The following TMC1 variants were observed in gnomAD, a reference collection of about 807,000 sequenced individuals.
The protein encoded by TMC1 is transmembrane channel like 1, also known as transmembrane channel-like protein 1.
In TMC1, 84 loss-of-function variants were observed where a neutral mutation model predicts 105.8. The observed-to-expected ratio is 0.79, with a 90% confidence interval of 0.67 to 0.95. The LOEUF (loss-of-function observed/expected upper bound fraction) is 0.95. TMC1 is among the 40% of genes least tolerant of loss of function. TMC1 has a pLI of 0.00. For missense variants in TMC1, 817 were observed against 914.1 expected (o/e 0.89, Z 1.37); for synonymous variants, 315 against 311.5 (o/e 1.01, Z -0.12).
chr9:72,726,384 C>T (rs946700362), intron 8 of TMC1, among the ~76,000 whole-genome samples: 2 of 152,140 alleles, frequency 1.3e-5, no homozygotes, highest in East Asian at 1.9e-4. Context: ...TTTATGCATA[C>T]ACTCTTATTG....
At chr9:72,665,979 C>T (rs1826036450) in intron 5 of TMC1, among the ~76,000 whole-genome samples, 1 of 152,176 alleles carries the variant, frequency 6.6e-6, no homozygotes, top group Non-Finnish European at 1.5e-5. Context: ...CCTCCATGGC[C>T]TTTGGTTGCA....
At chr9:72,565,048 G>A (rs1376956894) in intron 1 of TMC1, among the ~76,000 whole-genome samples, 1 of 152,186 alleles carries the variant, frequency 6.6e-6, no homozygotes, top group East Asian at 1.9e-4. Context: ...CTGTACTGAT[G>A]AGGAAACTAA....
At chr9:72,677,036 G>A (rs568858965) in intron 5 of TMC1, among the ~76,000 whole-genome samples, 1 of 151,754 alleles carries the variant, frequency 6.6e-6, no homozygotes, top group Non-Finnish European at 1.5e-5. Flanking sequence ...ATTATATCAG[G>A]TGTCTTCTTA....
At chr9:72,536,710 G>A (rs1050503695) in intron 1 of TMC1, among the ~76,000 whole-genome samples, 1 of 152,174 alleles carries the variant, frequency 6.6e-6, no homozygotes, top group African/African-American at 2.4e-5. Flanking sequence ...TGTGAGGGGT[G>A]GGTCCTAAGG....
Position 72,836,609 on chromosome 9 carries a change from C to T in TMC1, c.*636C>T, listed in dbSNP as rs1588109405. ...AAAAAAATCCTATATGAATTGGGGC[C>T]TGGATAGCACTGAGTTGAAGATCTT... On this transcript the variant is annotated 3_prime_UTR_variant, in exon 24 of 24. Transcript: ENST00000297784. 6.6e-6 allele frequency: 1 copy of T among 152,442 alleles called. No individual in the cohort carries two copies. The highest frequency in any genetic ancestry group is 1.5e-5 in the Non-Finnish European group (1 of 68,542). The allele number at this position is 152,442 out of a possible 1,614,324, so 9.4% of individuals were successfully genotyped here. A position where few individuals can be genotyped will look rare whatever the true frequency, so the allele number is the denominator to read the frequency against.
intron 1 of TMC1, among the ~76,000 whole-genome samples, chr9:72,536,396 G>A (rs548348693): frequency 1.3e-5 from 2 of 152,076 alleles, no homozygotes; most frequent in Non-Finnish European, 2.9e-5. Flanking sequence ...GCAGTGGTGC[G>A]ATCTCGGCTC....
intron 4 of TMC1, among the ~76,000 whole-genome samples, chr9:72,646,250 T>G (rs1347913295): frequency 6.6e-6 from 1 of 152,218 alleles, no homozygotes; most frequent in Non-Finnish European, 1.5e-5. Context: ...ATTTGCCACC[T>G]CATACACAGG....
intron 18 of TMC1, among the ~76,000 whole-genome samples, chr9:72,811,289 C>A (rs2118263446): frequency 6.6e-6 from 1 of 152,256 alleles, no homozygotes; most frequent in East Asian, 1.9e-4. Flanking sequence ...GTTATCACAA[C>A]AAACCTATGA....
At chr9:72,751,244 T>A (rs1432337926) in intron 10 of TMC1, among the ~76,000 whole-genome samples, 1 of 152,218 alleles carries the variant, frequency 6.6e-6, no homozygotes, top group Non-Finnish European at 1.5e-5. Flanking sequence ...GTGCTTCACA[T>A]CTAAGATAAT....
chr9:72,818,321 TA>T (rs1828820282), intron 19 of TMC1, among the ~76,000 whole-genome samples: 1 of 152,256 alleles, frequency 6.6e-6, no homozygotes, highest in Non-Finnish European at 1.5e-5. Flanking sequence ...TCAACATTTA[TA>T]GATAAAATCC....
At chr9:72,588,070 T>G (rs1824581971) in intron 2 of TMC1, among the ~76,000 whole-genome samples, 1 of 152,120 alleles carries the variant, frequency 6.6e-6, no homozygotes, top group Non-Finnish European at 1.5e-5. Context: ...ATTACAGGTG[T>G]GAGCCATTGT....
chr9:72,609,179 C>CCCTTCCTTCCTTCCTTCCTTCCTTCCTT (rs60808924), intron 2 of TMC1, among the ~76,000 whole-genome samples: 20 of 136,160 alleles, frequency 1.5e-4, no homozygotes, highest in South Asian at 2.7e-4. Context: ...CTTCCTCCTT[C>CCCTTCCTTCCTTCCTTCCTTCCTTCCTT]CCTTCCTTCC....
chr9:72,830,827 T>A, intron 23 of TMC1, 145 bp downstream of exon 23: 1 of 724,308 alleles, frequency 1.4e-6, no homozygotes, highest in Non-Finnish European at 2.3e-6. Context: ...ACCTTCCACC[T>A]TTTTAGCCCT....
intron 1 of TMC1, among the ~76,000 whole-genome samples, chr9:72,535,996 G>T (rs1469891952): frequency 1.3e-5 from 2 of 152,168 alleles, no homozygotes; most frequent in African/African-American, 2.4e-5. Context: ...TTCAACATGA[G>T]GTTTGAAGGG....
At chr9:72,646,477 C>T (rs972971172) in intron 4 of TMC1, among the ~76,000 whole-genome samples, 6 of 152,126 alleles carry the variant, frequency 3.9e-5, no homozygotes, top group East Asian at 3.9e-4. Context: ...AATTCATACC[C>T]GTACCTGTAG....
At chr9:72,540,246 G>T (rs1218598756) in intron 1 of TMC1, among the ~76,000 whole-genome samples, 1 of 152,162 alleles carries the variant, frequency 6.6e-6, no homozygotes, top group Non-Finnish European at 1.5e-5. Context: ...GTTTCTTGTT[G>T]TTTTCTAATA....
At chr9:72,566,575 G>A (rs28535485) in intron 1 of TMC1, among the ~76,000 whole-genome samples, 46,176 of 151,924 alleles carry the variant, frequency 0.3, 8,006 homozygotes, top group African/African-American at 0.45. Context: ...GTGGAAAGGG[G>A]GAGACCAAAT....
chr9:72,702,781 C>T (rs1281045956), intron 8 of TMC1, among the ~76,000 whole-genome samples: 1 of 152,104 alleles, frequency 6.6e-6, no homozygotes, highest in Admixed American at 6.5e-5. Context: ...CCAGACCGTT[C>T]TCAGATCTTC....
At chr9:72,812,896 T>G (rs1330569839) in intron 18 of TMC1, among the ~76,000 whole-genome samples, 1 of 152,240 alleles carries the variant, frequency 6.6e-6, no homozygotes, top group Non-Finnish European at 1.5e-5. Context: ...CTTCCCAGGC[T>G]TTTTCTTTGT....
Sources: allele counts gnomAD v4.1 joint callset (sites outside exome capture counted in the v4.1 genomes callset), GRCh38; gene constraint gnomAD v4.1.1; transcripts MANE v1.5; gene names NCBI Gene and HGNC (gene_info 2026-07-23, HGNC 2026-07-21).